The following CREB5 variants were observed in gnomAD, a reference collection of about 807,000 sequenced individuals.
CREB5 encodes cAMP responsive element binding protein 5.
A neutral mutation model predicts 57.1 loss-of-function variants in CREB5; 19 were observed. The observed-to-expected ratio is 0.33, with a 90% CI of 0.23 to 0.49. The LOEUF (loss-of-function observed/expected upper bound fraction) is 0.49. CREB5 is among the 20% of genes least tolerant of loss of function. CREB5 has a pLI of 0.99. For missense variants in CREB5, 579 were observed against 671.6 expected (o/e 0.86, Z 1.52); for synonymous variants, 238 against 238.3 (o/e 1.00, Z 0.01).
intron 4 of CREB5, among the ~76,000 whole-genome samples, chr7:28,551,591 C>G (rs1303584113): frequency 6.6e-6 from 1 of 152,234 alleles, no homozygotes; most frequent in African/African-American, 2.4e-5. Flanking sequence ...CCCCATTAAT[C>G]ACTGCAGCCA....
chr7:28,373,447 T>C (rs1360091630), intron 1 of CREB5, among the ~76,000 whole-genome samples: 1 of 8,952 alleles, frequency 1.1e-4, no homozygotes, highest in African/African-American at 3.1e-4. Context: ...TCTTTTTTCT[T>C]TTTTTTTTTT....
At chr7:28,696,837 C>T (rs961858678) in intron 5 of CREB5, among the ~76,000 whole-genome samples, 1 of 151,322 alleles carries the variant, frequency 6.6e-6, no homozygotes. Flanking sequence ...CATACACATA[C>T]GTATATATAC....
intron 1 of CREB5, among the ~76,000 whole-genome samples, chr7:28,445,794 G>GT (rs1789433309): frequency 1.3e-5 from 2 of 151,508 alleles, no homozygotes; most frequent in Admixed American, 1.3e-4. Flanking sequence ...CTCATGATCC[G>GT]CCTGCCTCAG....
chr7:28,711,516 G>T (rs1802398018), intron 5 of CREB5, among the ~76,000 whole-genome samples: 1 of 152,210 alleles, frequency 6.6e-6, no homozygotes, highest in Admixed American at 6.5e-5. Context: ...TTCACAAAAA[G>T]ATATGGGTAA....
intron 7 of CREB5, among the ~76,000 whole-genome samples, chr7:28,777,469 A>G (rs11762510): frequency 0.24 from 36,876 of 152,172 alleles, 5,447 homozygotes; most frequent in Non-Finnish European, 0.34. Flanking sequence ...ATATATAAAG[A>G]CTAGTAGAAA....
In CREB5 at chr7:28,560,855, T is replaced by TGCGTGCGC. The variant is rs1554344299; in HGVS notation, c.292-9509_292-9508insCGTGCGCG. ...GCGCGTGTGTGTGTGCGCGTGTGTG[T>TGCGTGCGC]GTGCGTGTGCCTGCGTGCGCGTGCG... is the stretch of plus-strand genomic sequence containing the variant. On this transcript the variant is annotated intron_variant, in intron 4 of 10. Transcript: ENST00000357727. Among the ~76,000 whole-genome samples, 98 of 56,418 alleles carry TGCGTGCGC rather than the reference T, an allele frequency of 1.7e-3. 6 individuals carry two copies. The highest frequency in any genetic ancestry group is 2.3e-3 in the African/African-American group (33 of 14,180). The allele number at this position is 56,418 out of a possible 152,430, so 37.0% of individuals were successfully genotyped here. A position where few individuals can be genotyped will look rare whatever the true frequency, so the allele number is the denominator to read the frequency against.
At chr7:28,581,045 T>C (rs1045688466) in intron 5 of CREB5, among the ~76,000 whole-genome samples, 4 of 152,082 alleles carry the variant, frequency 2.6e-5, no homozygotes, top group Non-Finnish European at 5.9e-5. Context: ...TAATTAAAAA[T>C]AGAAAAATGA....
intron 1 of CREB5, among the ~76,000 whole-genome samples, chr7:28,362,551 GA>G (rs1268953871): frequency 6.6e-6 from 1 of 152,138 alleles, no homozygotes; most frequent in Non-Finnish European, 1.5e-5. Flanking sequence ...TCAAAGGCAC[GA>G]AAGACAATAT....
At chr7:28,422,042 T>C (rs1377374283) in intron 1 of CREB5, among the ~76,000 whole-genome samples, 2 of 151,902 alleles carry the variant, frequency 1.3e-5, no homozygotes, top group East Asian at 1.9e-4. Context: ...CAATGAGAAG[T>C]TGCTTTGCGG....
intron 5 of CREB5, among the ~76,000 whole-genome samples, chr7:28,678,772 G>T (rs1297243573): frequency 6.6e-6 from 1 of 152,188 alleles, no homozygotes; most frequent in African/African-American, 2.4e-5. Flanking sequence ...GAAGACCCAA[G>T]AGCTTCATGT....
intron 7 of CREB5, among the ~76,000 whole-genome samples, chr7:28,788,898 T>A (rs1358202211): frequency 6.6e-6 from 1 of 151,416 alleles, no homozygotes; most frequent in African/African-American, 2.4e-5. Context: ...ACGCTGTACA[T>A]CACCCAGGCT....
At chr7:28,583,117 C>T (rs1194226140) in intron 5 of CREB5, among the ~76,000 whole-genome samples, 4 of 152,224 alleles carry the variant, frequency 2.6e-5, no homozygotes, top group Non-Finnish European at 5.9e-5. Context: ...TCTTCAACCA[C>T]AGCAGCTTCA....
intron 1 of CREB5, among the ~76,000 whole-genome samples, chr7:28,386,906 C>T (rs1046814090): frequency 6.6e-6 from 1 of 152,142 alleles, no homozygotes; most frequent in Non-Finnish European, 1.5e-5. Context: ...AGGAGATGAT[C>T]TTGTTTCTTT....
At chr7:28,493,468 G>A (rs568957117) in intron 2 of CREB5, among the ~76,000 whole-genome samples, 1 of 152,312 alleles carries the variant, frequency 6.6e-6, no homozygotes, top group Admixed American at 6.5e-5. Flanking sequence ...AGATTGGCAG[G>A]AAGTTCTTCA....
intron 4 of CREB5, among the ~76,000 whole-genome samples, chr7:28,548,292 T>C (rs1794493905): frequency 6.6e-6 from 1 of 152,154 alleles, no homozygotes. Flanking sequence ...CTTTTACAAT[T>C]AAATGCATGA....
At chr7:28,689,063 T>G (rs973101232) in intron 5 of CREB5, among the ~76,000 whole-genome samples, 1 of 152,180 alleles carries the variant, frequency 6.6e-6, no homozygotes, top group Admixed American at 6.5e-5. Flanking sequence ...GGGCTAAAAA[T>G]TATTAATTCC....
intron 5 of CREB5, among the ~76,000 whole-genome samples, chr7:28,625,143 T>C (rs1016225366): frequency 2.6e-5 from 4 of 152,128 alleles, no homozygotes; most frequent in African/African-American, 4.8e-5. Context: ...AAATGAGGCT[T>C]AGGGAAGTTA....
At chr7:28,377,906 T>A (rs1287681842) in intron 1 of CREB5, among the ~76,000 whole-genome samples, 2 of 113,540 alleles carry the variant, frequency 1.8e-5, no homozygotes, top group Non-Finnish European at 3.2e-5. Flanking sequence ...CACTCCAGCC[T>A]GGGAGACAGA....
chr7:28,741,806 A>C (rs1804364041), intron 7 of CREB5, among the ~76,000 whole-genome samples: 1 of 152,004 alleles, frequency 6.6e-6, no homozygotes. Flanking sequence ...GGTGGCTTAC[A>C]CCTGTAATCC....
Sources: allele counts gnomAD v4.1 joint callset (sites outside exome capture counted in the v4.1 genomes callset), GRCh38; gene constraint gnomAD v4.1.1; transcripts MANE v1.5; gene names NCBI Gene and HGNC (gene_info 2026-07-23, HGNC 2026-07-21).